Variants in TCF7L2 observed in about 807,000 individuals in gnomAD.
TCF7L2 encodes the protein transcription factor 7-like 2.
In TCF7L2, 23 loss-of-function variants were observed where a neutral mutation model predicts 77.9. The ratio of observed to expected loss-of-function variants is 0.30; its 90% CI spans 0.21 to 0.42. The LOEUF (loss-of-function observed/expected upper bound fraction) is 0.42, where lower values mean the gene tolerates loss of function less well. Ranked by LOEUF, TCF7L2 falls within the 10% of genes least tolerant of loss-of-function variation. The pLI is 1.00. For missense variants in TCF7L2, 654 were observed against 793.1 expected, an observed-to-expected ratio of 0.82 and a Z score of 2.11; for synonymous variants, 413 against 340.2, an observed-to-expected ratio of 1.21 and a Z score of -2.36.
chr10:113,125,387 T>C (rs1056483270), intron 5 of TCF7L2: 1 of 152,152 alleles, frequency 6.6e-6, no homozygotes, highest in African/African-American at 2.4e-5. Context: ...TTTTCTTTTT[T>C]TTCCCCTTCA....
At chr10:113,097,664 A>T (rs950206317) in intron 5 of TCF7L2, among the ~76,000 whole-genome samples, 16 of 149,774 alleles carry the variant, frequency 1.1e-4, no homozygotes, top group Non-Finnish European at 1.9e-4. Flanking sequence ...AAAAAAAAAA[A>T]AAAAAAAAAA....
At chr10:113,123,582 G>A (rs1338712632) in intron 5 of TCF7L2, among the ~76,000 whole-genome samples, 1 of 152,250 alleles carries the variant, frequency 6.6e-6, no homozygotes, top group Non-Finnish European at 1.5e-5. Flanking sequence ...GAAAAGGTAG[G>A]AAAACTGTGA....
chr10:112,969,885 A>G (rs1426951413), intron 4 of TCF7L2, among the ~76,000 whole-genome samples: 4 of 152,200 alleles, frequency 2.6e-5, no homozygotes, highest in African/African-American at 2.4e-5. Context: ...AGGCATCTCT[A>G]TTGCCTTCAT....
chr10:113,071,512 C>T (rs1455455323), intron 5 of TCF7L2, among the ~76,000 whole-genome samples: 1 of 152,116 alleles, frequency 6.6e-6, no homozygotes, highest in African/African-American at 2.4e-5. Flanking sequence ...CTCCTTTTCT[C>T]GTCTTTATTC....
chr10:113,084,190 G>A lies in TCF7L2; in HGVS notation c.552+44064G>A, dbSNP rs4918792. On this transcript the variant is annotated intron_variant, in intron 5 of 13. Transcript: ENST00000627217. ...TAGAGAGATTTGTAATAAGGAACTG[G>A]CTCACCCAGTCATGGAATTCCATAA... 0.041 allele frequency among the ~76,000 whole-genome samples: 6,212 copies of A among 152,248 alleles called. 798 individuals carry two copies. In the East Asian group the frequency reaches 0.47, roughly 11 times the overall value.
chr10:113,158,349 C>T, intron 12 of TCF7L2, among the ~76,000 whole-genome samples: 1 of 151,732 alleles, frequency 6.6e-6, no homozygotes, highest in Middle Eastern at 3.2e-3. Flanking sequence ...AAGCGGTAGG[C>T]ATGCCTATGC....
chr10:113,096,698 T>C (rs1378741595), intron 5 of TCF7L2, among the ~76,000 whole-genome samples: 1 of 152,168 alleles, frequency 6.6e-6, no homozygotes, highest in Non-Finnish European at 1.5e-5. Flanking sequence ...TTTTAGATTC[T>C]GGCCATGTCA....
chr10:113,087,561 G>A (rs1591523039), intron 5 of TCF7L2, among the ~76,000 whole-genome samples: 1 of 152,198 alleles, frequency 6.6e-6, no homozygotes, highest in African/African-American at 2.4e-5. Context: ...AATGACTCAC[G>A]CTCCTGTTTA....
At chr10:112,965,212 G>A (rs561988000) in intron 4 of TCF7L2, among the ~76,000 whole-genome samples, 13 of 152,320 alleles carry the variant, frequency 8.5e-5, no homozygotes, top group South Asian at 2.1e-4. Flanking sequence ...TGCTGGAAGG[G>A]AAAGGCGACA....
intron 11 of TCF7L2, among the ~76,000 whole-genome samples, chr10:113,157,104 T>C (rs112995818): frequency 1.3e-5 from 2 of 151,382 alleles, no homozygotes; most frequent in Admixed American, 6.6e-5. Flanking sequence ...ACTCAGCAGG[T>C]TTTTTTTGTT....
rs572259864 is a variant in TCF7L2, at chr10:113,156,358, C to T, written c.1270-1663C>T. The stretch of plus-strand genomic sequence containing the variant: ...CTCGATCTCTTGACCTTGTGATCTG[C>T]CCGCCTTGGCCTCCCAAAGTGCTGG... On this transcript the variant is annotated intron_variant, in intron 11 of 13. Coordinates refer to ENST00000627217, the MANE Select transcript of TCF7L2 (RefSeq NM_001146274.2). 2.6e-5 allele frequency among the ~76,000 whole-genome samples: 4 copies of T among 152,262 alleles called. No homozygotes were observed. The East Asian group carries it at 7.7e-4, about 29-fold the overall frequency.
intron 5 of TCF7L2, among the ~76,000 whole-genome samples, chr10:113,087,690 G>GA (rs2059973115): frequency 6.6e-6 from 1 of 152,062 alleles, no homozygotes; most frequent in African/African-American, 2.4e-5. Context: ...CTTCCTGGGG[G>GA]CAGATCTCTC....
chr10:113,101,308 G>T (rs1320409420), intron 5 of TCF7L2, among the ~76,000 whole-genome samples: 2 of 152,090 alleles, frequency 1.3e-5, no homozygotes, highest in Admixed American at 6.6e-5. Flanking sequence ...AGGGCTTTGG[G>T]AGGCCTCAAG....
intron 4 of TCF7L2, among the ~76,000 whole-genome samples, chr10:112,991,002 G>A (rs1376951409): frequency 1.3e-5 from 2 of 152,130 alleles, no homozygotes; most frequent in African/African-American, 4.8e-5. Context: ...AACTCTTCCC[G>A]AGGTGAGTTC....
intron 5 of TCF7L2, among the ~76,000 whole-genome samples, chr10:113,053,879 G>A (rs549464846): frequency 6.6e-6 from 1 of 152,206 alleles, no homozygotes; most frequent in Non-Finnish European, 1.5e-5. Flanking sequence ...GGAGGATGAC[G>A]TACTCAAGGT....
rs1362059071 is a variant in TCF7L2, at chr10:113,145,091, T to C, written c.789-920T>C. Among the ~76,000 whole-genome samples the C allele has an allele frequency of 4.6e-5, 7 of 151,206 alleles. No homozygotes were observed. In the Admixed American group the frequency reaches 4.6e-4, roughly 10 times the overall value. ...TACCCCACAATTCTACCCGTATTTC[T>C]CTAGTTAGATAGATTCTATGCTGTT... On this transcript the variant is annotated intron_variant, in intron 7 of 13. Coordinates refer to ENST00000627217, the MANE Select transcript of TCF7L2 (RefSeq NM_001146274.2).
chr10:112,985,076 C>A (rs1254987439), intron 4 of TCF7L2, among the ~76,000 whole-genome samples: 1 of 152,040 alleles, frequency 6.6e-6, no homozygotes, highest in Non-Finnish European at 1.5e-5. Context: ...ACATGTACAG[C>A]GCCACAGTGC....
intron 5 of TCF7L2, among the ~76,000 whole-genome samples, chr10:113,072,879 C>A (rs554916273): frequency 3.2e-4 from 49 of 152,288 alleles, no homozygotes; most frequent in Admixed American, 5.9e-4. Context: ...CTCCATACAT[C>A]ATGATTGTGA....
intron 5 of TCF7L2, among the ~76,000 whole-genome samples, chr10:113,121,009 T>A (rs1209231617): frequency 2.0e-5 from 3 of 152,178 alleles, no homozygotes; most frequent in Non-Finnish European, 2.9e-5. Context: ...AGGAGTATTG[T>A]AGACAAAAGC....
Sources: allele counts gnomAD v4.1 joint callset (sites outside exome capture counted in the v4.1 genomes callset), GRCh38; gene constraint gnomAD v4.1.1; transcripts MANE v1.5; gene names NCBI Gene and HGNC (gene_info 2026-07-23, HGNC 2026-07-21).